The following CHD5 variants were observed in gnomAD, a reference collection of about 807,000 sequenced individuals.
CHD5 encodes the protein ATP-dependent chromatin remodeler CHD5.
A neutral mutation model predicts 230.3 loss-of-function variants in CHD5; 69 were observed. The ratio of observed to expected loss-of-function variants is 0.30; its 90% CI spans 0.25 to 0.37. CHD5 has a LOEUF of 0.37. Ranked by LOEUF, CHD5 falls within the 10% of genes least tolerant of loss-of-function variation. The pLI, the probability that CHD5 is intolerant of heterozygous loss-of-function variation, is 1.00. For missense variants in CHD5, 1,827 were observed against 2,622.8 expected, an observed-to-expected ratio of 0.70 and a Z score of 6.63; for synonymous variants, 1,064 against 1,065.9, an observed-to-expected ratio of 1.00 and a Z score of 0.03.
intron 33 of CHD5, among the ~76,000 whole-genome samples, chr1:6,115,064 G>A (rs544886812): frequency 1.1e-3 from 163 of 151,470 alleles, no homozygotes; most frequent in African/African-American, 3.4e-3. Flanking sequence ...TGTAATCCCA[G>A]CACTTTGGGA....
In CHD5 at chr1:6,157,714, A is replaced by G. The variant is rs531962209; in HGVS notation, c.387+1622T>C. On this transcript the variant is annotated intron_variant, in intron 3 of 41. Transcript: ENST00000262450. Reference sequence around the variant, plus strand: ...GGCTGACCTGCCCCCGTGGACACACATGGCCATTCCTGATGGCACACGGAC... The same window carrying G: ...GGCTGACCTGCCCCCGTGGACACACGTGGCCATTCCTGATGGCACACGGAC... Among the ~76,000 whole-genome samples the G allele has an allele frequency of 2.6e-5, 4 of 152,348 alleles. No individual in the cohort carries two copies. In the South Asian group the frequency reaches 8.3e-4, roughly 32 times the overall value.
At chr1:6,135,166 C>T (rs1299327471) in intron 18 of CHD5, 64 bp downstream of exon 18, 35 of 1,595,262 alleles carry the variant, frequency 2.2e-5, no homozygotes, top group Non-Finnish European at 2.7e-5. Context: ...TGGGAATCGA[C>T]CCAGGAGACC....
chr1:6,121,697 A>ACCTC lies in CHD5; in HGVS notation c.4700-128_4700-125dup, dbSNP rs2100839947. Reference sequence around the variant, plus strand: ...TCGGGAGGCTCCACTGCAGCCAAGCACCTCCAGGAGAGACAAGCAGGATCC... The same window carrying ACCTC: ...TCGGGAGGCTCCACTGCAGCCAAGCACCTCCCTCCAGGAGAGACAAGCAGGATCC... On this transcript the variant is annotated intron_variant, in intron 31 of 41. Transcript: ENST00000262450. This position sits in a 1 kb window ranked among gnomAD's most constrained non-coding sequence, Gnocchi z 4.5. 1.5e-6 allele frequency: 1 copy of ACCTC among 653,218 alleles called. No homozygotes were observed. The highest frequency in any genetic ancestry group is 1.8e-5 in the African/African-American group (1 of 54,880). The allele number at this position is 653,218 out of a possible 1,614,324, so 40.5% of individuals were successfully genotyped here.
chr1:6,161,642 G>A (rs992786967), intron 2 of CHD5, among the ~76,000 whole-genome samples: 3 of 152,216 alleles, frequency 2.0e-5, no homozygotes, highest in African/African-American at 7.2e-5. Context: ...CGGCTCCCAA[G>A]CTCGGCCTCG....
chr1:6,179,921 C>T (rs1367636094), intron 1 of CHD5, 24 bp downstream of exon 1: 3 of 1,265,794 alleles, frequency 2.4e-6, no homozygotes, highest in African/African-American at 1.6e-5. Context: ...GCTCTGGCCC[C>T]AGGCGCACCC....
chr1:6,147,999 C>T (rs990238850), intron 9 of CHD5, among the ~76,000 whole-genome samples: 4 of 151,868 alleles, frequency 2.6e-5, no homozygotes, highest in Non-Finnish European at 5.9e-5. Context: ...TCCTGCCCCC[C>T]TCCCATCCCC....
At position 6,170,013 on chromosome 1, in the gene CHD5, C is replaced by T. The variant is rs572938606; in HGVS notation, c.80-1736G>A. ...GAGAGGTCCTGGGGCCACCAGGAGG[C>T]TTTCACCCAGGAAGGGGGCAGAGTG... On this transcript the variant is annotated intron_variant, in intron 1 of 41. Coordinates refer to ENST00000262450, the MANE Select transcript of CHD5 (RefSeq NM_015557.3). Among the ~76,000 whole-genome samples the T allele has an allele frequency of 2.6e-3, 399 of 152,228 alleles. 4 individuals carry two copies. Among genetic ancestry groups the T allele is most frequent in the African/African-American group, 9.1e-3 (377 of 41,530 alleles).
At chr1:6,136,932 A>G in intron 15 of CHD5, 67 bp from the exon 16 acceptor site, 1 of 1,507,684 alleles carries the variant, frequency 6.6e-7, no homozygotes, top group African/African-American at 1.4e-5. Context: ...CCCAGGAGAC[A>G]AAGAGCCAAG....
chr1:6,118,378 CAAA>C (rs60950909), intron 33 of CHD5, among the ~76,000 whole-genome samples: 10 of 79,164 alleles, frequency 1.3e-4, no homozygotes, highest in East Asian at 7.2e-4. Context: ...GACCCTGTCT[CAAA>C]AAAAAAAAAA....
intron 15 of CHD5, among the ~76,000 whole-genome samples, chr1:6,140,252 C>A (rs767170311): frequency 6.6e-6 from 1 of 152,036 alleles, no homozygotes; most frequent in Non-Finnish European, 1.5e-5. Flanking sequence ...ATACAAAAAG[C>A]GGCTGAGTGT....
chr1:6,122,398 G>A lies in CHD5; in HGVS notation c.4700-825C>T, dbSNP rs113349496. On this transcript the variant is annotated intron_variant, in intron 31 of 41. Transcript: ENST00000262450. ...ATACGCACACCGAACAACATTCAGC[G>A]TCCTTGGCATCAGGGAAATGCCAAT... Among the ~76,000 whole-genome samples, 299 of 152,276 alleles carry A rather than the reference G, an allele frequency of 2.0e-3. 1 individual carries two copies. Among genetic ancestry groups the A allele is most frequent in the African/African-American group, 6.9e-3 (286 of 41,542 alleles).
At chr1:6,164,120 T>C (rs552514266) in intron 2 of CHD5, among the ~76,000 whole-genome samples, 2 of 152,348 alleles carry the variant, frequency 1.3e-5, no homozygotes, top group Non-Finnish European at 2.9e-5. Context: ...CCCTTCCTCC[T>C]TCCCAGCTCC....
chr1:6,129,620 A>AT lies in CHD5; in HGVS notation c.3388-552dup, dbSNP rs1487229757. On this transcript the variant is annotated intron_variant, in intron 22 of 41. Transcript: ENST00000262450. This position sits in a 1 kb window ranked among gnomAD's most constrained non-coding sequence, Gnocchi z 6.8. The stretch of plus-strand genomic sequence containing the variant: ...TGTGCATGGGCGCACACACATGTGA[A>AT]TGAGACATCAATTTGTATGTGTTCC... Among the ~76,000 whole-genome samples the AT allele has an allele frequency of 6.6e-6, 1 of 152,140 alleles. No homozygotes were observed. Among genetic ancestry groups the AT allele is most frequent in the Non-Finnish European group, 1.5e-5 (1 of 68,016 alleles).
intron 33 of CHD5, among the ~76,000 whole-genome samples, chr1:6,118,516 A>G (rs1363502681): frequency 6.6e-6 from 1 of 152,180 alleles, no homozygotes; most frequent in East Asian, 1.9e-4. Context: ...TGAAATGTTC[A>G]GAATAGGCCA....
intron 33 of CHD5, among the ~76,000 whole-genome samples, chr1:6,114,532 G>GATAT (rs373484591): frequency 6.7e-6 from 1 of 149,582 alleles, no homozygotes; most frequent in Non-Finnish European, 1.5e-5. Flanking sequence ...ATTTTTTTGT[G>GATAT]ATATATATAT....
At chr1:6,164,420 C>T (rs1290586899) in intron 2 of CHD5, among the ~76,000 whole-genome samples, 2 of 152,246 alleles carry the variant, frequency 1.3e-5, no homozygotes, top group Non-Finnish European at 2.9e-5. Flanking sequence ...CTCCCTCCTG[C>T]GCTCGCTAGG....
intron 2 of CHD5, 41 bp from the exon 3 acceptor site, chr1:6,159,556 G>A: frequency 6.4e-7 from 1 of 1,557,288 alleles, no homozygotes; most frequent in South Asian, 1.2e-5. Context: ...AGAGGCCCCA[G>A]GAACATCCAG....
At position 6,124,550 on chromosome 1, in the gene CHD5, G is replaced by A; in HGVS notation, c.4506C>T (p.Thr1502=). 3 of 1,613,954 alleles carry A rather than the reference G, an allele frequency of 1.9e-6. 1 individual carries two copies. Among genetic ancestry groups the A allele is most frequent in the Non-Finnish European group, 8.5e-7 (1 of 1,179,958 alleles). Residue 1502 remains threonine (T), a synonymous_variant, in exon 30 of 42, where the codon ACC becomes ACT. Transcript: ENST00000262450. ...REGLSRQHVL[T]RIGVMSLVRK... is the part of the protein sequence containing the mutation. Reference sequence around the variant, plus strand: ...TAACTAGTGACATGACCCCGATGCGGGTCAGCACGTGCTGCCTGGAGAGGC... The same window carrying A: ...TAACTAGTGACATGACCCCGATGCGAGTCAGCACGTGCTGCCTGGAGAGGC...
chr1:6,117,043 T>C (rs1489853874), intron 33 of CHD5, among the ~76,000 whole-genome samples: 10 of 152,218 alleles, frequency 6.6e-5, no homozygotes, highest in Non-Finnish European at 1.3e-4. Flanking sequence ...ATGTTAAAAA[T>C]GTTAAGAGTA....
Sources: gnomAD v4.1 joint callset for allele counts (sites outside exome capture counted in the v4.1 genomes callset) on GRCh38, gnomAD v4.1.1 for gene constraint, Gnocchi (gnomAD v3.1) non-coding constraint, MANE v1.5 for transcripts, NCBI Gene and HGNC (gene_info 2026-07-23, HGNC 2026-07-21) for gene names.